Variants in LRCH1 observed in about 807,000 individuals in gnomAD.
The protein encoded by LRCH1 is leucine-rich repeat and calponin homology domain-containing protein 1.
In LRCH1, 23 loss-of-function variants were observed where a neutral mutation model predicts 94.9. The ratio of observed to expected loss-of-function variants is 0.24; its 90% CI spans 0.17 to 0.34. LRCH1 has a LOEUF of 0.34. Ranked by LOEUF, LRCH1 falls within the 10% of genes least tolerant of loss-of-function variation. The probability of loss-of-function intolerance (pLI) is 1.00; values close to 1 mark genes in which losing one functional copy is unlikely to be tolerated. For missense variants in LRCH1, 790 were observed against 945.9 expected, an observed-to-expected ratio of 0.84 and a Z score of 2.16; for synonymous variants, 364 against 354.9, an observed-to-expected ratio of 1.03 and a Z score of -0.29.
At chr13:46,710,641 G>T (rs1404531785) in intron 13 of LRCH1, among the ~76,000 whole-genome samples, 1 of 152,132 alleles carries the variant, frequency 6.6e-6, no homozygotes, top group Non-Finnish European at 1.5e-5. Context: ...GATTGAATAG[G>T]GATATTTGTG....
At chr13:46,565,905 A>G (rs9534429) in intron 1 of LRCH1, among the ~76,000 whole-genome samples, 22,636 of 151,266 alleles carry the variant, frequency 0.15, 2,417 homozygotes, top group African/African-American at 0.3. Context: ...TGAGTCTCGC[A>G]GAGAAGAGTG....
intron 1 of LRCH1, among the ~76,000 whole-genome samples, chr13:46,568,981 C>T (rs905616144): frequency 4.6e-5 from 7 of 152,182 alleles, no homozygotes; most frequent in African/African-American, 1.7e-4. Flanking sequence ...TGTTTTAAAA[C>T]ACAGAATAAC....
intron 7 of LRCH1, among the ~76,000 whole-genome samples, chr13:46,690,346 T>TA (rs1373629953): frequency 6.6e-6 from 1 of 152,152 alleles, no homozygotes; most frequent in East Asian, 1.9e-4. Context: ...CACATTGCTT[T>TA]AGTTGCATTT....
intron 2 of LRCH1, among the ~76,000 whole-genome samples, chr13:46,660,103 C>T (rs551171432): frequency 1.5e-5 from 2 of 134,758 alleles, no homozygotes; most frequent in Non-Finnish European, 3.1e-5. Flanking sequence ...GCTCCGCCTC[C>T]TTGGTTCACG....
At chr13:46,735,611 A>C (rs779013300) in intron 19 of LRCH1, among the ~76,000 whole-genome samples, 7 of 152,200 alleles carry the variant, frequency 4.6e-5, no homozygotes, top group Non-Finnish European at 1.0e-4. Context: ...AAAATTTATC[A>C]TAATTTCTCA....
chr13:46,677,059 C>T (rs921097054), intron 3 of LRCH1, among the ~76,000 whole-genome samples: 4 of 152,098 alleles, frequency 2.6e-5, no homozygotes, highest in African/African-American at 7.2e-5. Context: ...GGAATATAGG[C>T]ATGAAACATC....
intron 9 of LRCH1, among the ~76,000 whole-genome samples, chr13:46,696,996 A>G (rs1871229205): frequency 1.3e-5 from 2 of 152,216 alleles, no homozygotes; most frequent in Admixed American, 6.5e-5. Flanking sequence ...TGAGCTTGGG[A>G]GAGTGAGTCT....
At chr13:46,657,500 C>T (rs200991824) in intron 2 of LRCH1, among the ~76,000 whole-genome samples, 663 of 11,378 alleles carry the variant, frequency 0.058, 20 homozygotes, top group Middle Eastern at 0.2. Flanking sequence ...CTTTTCTTTT[C>T]TTTTTTTTTT....
intron 11 of LRCH1, among the ~76,000 whole-genome samples, chr13:46,702,962 TA>T (rs1166416644): frequency 6.6e-6 from 1 of 152,200 alleles, no homozygotes; most frequent in African/African-American, 2.4e-5. Context: ...GCTGAGATTT[TA>T]ATTTATATTT....
At chr13:46,694,312 C>G (rs1173719882) in intron 8 of LRCH1, among the ~76,000 whole-genome samples, 4 of 152,158 alleles carry the variant, frequency 2.6e-5, no homozygotes, top group Non-Finnish European at 5.9e-5. Context: ...CCCACCTCCC[C>G]TGGAACACAT....
At chr13:46,653,442 A>G (rs2051332217) in intron 2 of LRCH1, among the ~76,000 whole-genome samples, 1 of 152,230 alleles carries the variant, frequency 6.6e-6, no homozygotes, top group African/African-American at 2.4e-5. Context: ...GCTATCCTCT[A>G]AAGTTTTTGA....
rs1051883081 is a variant in LRCH1 at position 46,743,247 on chromosome 13, C to T, written c.*1399C>T. On this transcript the variant is annotated 3_prime_UTR_variant, in exon 20 of 20. Transcript: ENST00000389797. ...TATTTTTCTGAACATTTTCATGAAT[C>T]CAGGGGACTTGAAAATATGGAAGAC... 1.0e-6 allele frequency: 1 copy of T among 985,428 alleles called. No homozygotes were observed. The allele number at this position is 985,428 out of a possible 1,614,324, so 61.0% of individuals were successfully genotyped here.
intron 1 of LRCH1, among the ~76,000 whole-genome samples, chr13:46,633,712 G>A (rs768251457): frequency 2.0e-5 from 3 of 152,016 alleles, no homozygotes; most frequent in Non-Finnish European, 2.9e-5. Flanking sequence ...TTCCAAGCCC[G>A]CATTTTAGCC....
intron 17 of LRCH1, among the ~76,000 whole-genome samples, chr13:46,726,855 G>A (rs1286091391): frequency 2.1e-5 from 2 of 93,126 alleles, no homozygotes; most frequent in Non-Finnish European, 4.2e-5. Flanking sequence ...CCCTGCTAGA[G>A]CAGTGTCAAA....
chr13:46,637,536 C>T (rs2051106779), intron 1 of LRCH1, among the ~76,000 whole-genome samples: 1 of 152,160 alleles, frequency 6.6e-6, no homozygotes, highest in Non-Finnish European at 1.5e-5. Flanking sequence ...GTATGCCATC[C>T]TGCTGCTACC....
In LRCH1 at chr13:46,687,988, T is replaced by A; in HGVS notation, c.950+9T>A. 1 of 1,603,386 alleles carries A rather than the reference T, an allele frequency of 6.2e-7. No homozygotes were observed. The highest frequency in any genetic ancestry group is 8.5e-7 in the Non-Finnish European group (1 of 1,174,930). ...CAGCACGTGGAAGATGGGTGAGTCATGCCCTCATTCAAAGCCCCAGTTTAA... is the reference window on the plus strand; with the variant it reads ...CAGCACGTGGAAGATGGGTGAGTCAAGCCCTCATTCAAAGCCCCAGTTTAA... On this transcript the variant is annotated intron_variant, in intron 6 of 19. Coordinates refer to ENST00000389797, the MANE Select transcript of LRCH1 (RefSeq NM_001164211.2).
chr13:46,694,748 G>A, intron 8 of LRCH1, 145 bp from the exon 9 acceptor site: 1 of 759,760 alleles, frequency 1.3e-6, no homozygotes, highest in East Asian at 2.6e-5. Flanking sequence ...TCCCTGCAGG[G>A]AAGAGAAAAC....
intron 1 of LRCH1, among the ~76,000 whole-genome samples, chr13:46,573,866 A>ATATATATATATATATAT: frequency 1.9e-4 from 12 of 63,392 alleles, no homozygotes; most frequent in East Asian, 6.6e-4. Context: ...ATATATATAT[A>ATATATATATATATATAT]TTTTTTTTTT....
chr13:46,610,527 G>A (rs568295872), intron 1 of LRCH1, among the ~76,000 whole-genome samples: 1 of 150,822 alleles, frequency 6.6e-6, no homozygotes, highest in Admixed American at 6.6e-5. Context: ...TTGGGGAATA[G>A]GTGTCCTCAT....
Sources: gnomAD v4.1 joint callset for allele counts (sites outside exome capture counted in the v4.1 genomes callset) on GRCh38, gnomAD v4.1.1 for gene constraint, MANE v1.5 for transcripts, NCBI Gene and HGNC (gene_info 2026-07-23, HGNC 2026-07-21) for gene names.